The following MIS18BP1 variants were observed in gnomAD, a reference collection of about 807,000 sequenced individuals.
MIS18BP1 encodes MIS18 binding protein 1.
MIS18BP1 carries 72 observed loss-of-function variants against 116.1 expected under a neutral mutation model. The ratio of observed to expected loss-of-function variants is 0.62; its 90% CI spans 0.51 to 0.75. The LOEUF is 0.75. Ranked by LOEUF, MIS18BP1 falls within the 30% of genes least tolerant of loss-of-function variation. The pLI is 0.00. For synonymous variants in MIS18BP1, 386 were observed against 427.0 expected (o/e 0.90, Z 1.18); for missense variants, 1,363 against 1,303.2 (o/e 1.05, Z -0.71).
At chr14:45,228,230 A>G (rs1891178981) in intron 8 of MIS18BP1, among the ~76,000 whole-genome samples, 1 of 152,216 alleles carries the variant, frequency 6.6e-6, no homozygotes, top group Non-Finnish European at 1.5e-5. Context: ...ACTAGGATAT[A>G]AAGCAATTTT....
At chr14:45,245,514 G>A (rs563153810) in intron 2 of MIS18BP1, among the ~76,000 whole-genome samples, 5 of 152,018 alleles carry the variant, frequency 3.3e-5, no homozygotes, top group East Asian at 3.9e-4. Flanking sequence ...ACAAGCATGC[G>A]CCATCAAGCC....
rs1438955429 is a variant in MIS18BP1 at position 45,247,080 on chromosome 14, A to T, written c.207T>A (p.Phe69Leu). 6.2e-7 allele frequency: 1 copy of T among 1,612,572 alleles called. No individual in the cohort carries two copies. Among genetic ancestry groups the T allele is most frequent in the Non-Finnish European group, 8.5e-7 (1 of 1,179,658 alleles). ...KKNQFLKMTTFNNKNIFQSTM... is the reference protein window; with the variant it reads ...KKNQFLKMTTLNNKNIFQSTM... ...TTGATTGAAATATATTTTTATTGTT[A>T]AAAGTTGTCATTTTTAGGAACTGAT... Residue 69 changes from phenylalanine to leucine, a missense_variant, in exon 2 of 17, where the codon TTT becomes TTA. Transcript: ENST00000310806.
chr14:45,218,261 A>C, intron 12 of MIS18BP1, 21 bp downstream of exon 12: 4 of 1,607,340 alleles, frequency 2.5e-6, no homozygotes, highest in Non-Finnish European at 3.4e-6. Context: ...TAGGAAAAAA[A>C]CTATTTACTA....
Position 45,224,693 on chromosome 14 carries a change from A to G in MIS18BP1, c.1894T>C (p.Phe632Leu). 6.2e-7 allele frequency: 1 copy of G among 1,609,738 alleles called. No individual in the cohort carries two copies. Among genetic ancestry groups the G allele is most frequent in the Non-Finnish European group, 8.5e-7 (1 of 1,178,814 alleles). Residue 632 changes from phenylalanine to leucine, a missense_variant, in exon 11 of 17, where the codon TTT becomes CTT. Coordinates refer to ENST00000310806, the MANE Select transcript of MIS18BP1 (RefSeq NM_018353.5). ...TATTTTCTTTCTTCATCTGAGAAAA[A>G]CTGTTCCCTTGAGGTTAGAATATCA... The part of the protein sequence containing the change: ...SIDILTSREQ[F>L]FSDEERKYMA...
In MIS18BP1 at chr14:45,224,457, G is replaced by T. The variant is rs1343834611; in HGVS notation, c.2130C>A (p.Asn710Lys). The T allele has an allele frequency of 1.2e-6, 2 of 1,613,580 alleles. No individual in the cohort carries two copies. The highest frequency in any genetic ancestry group is 1.7e-5 in the Admixed American group (1 of 59,974). The change falls in exon 11 of 17, where the codon AAC (asparagine) becomes AAA (lysine). Residue 710 changes from asparagine to lysine, a missense_variant. Physicochemically the swap from Asn to Lys is moderately conservative, Grantham distance 94. Coordinates refer to ENST00000310806, the MANE Select transcript of MIS18BP1 (RefSeq NM_018353.5). ...ENTFEGHKSK[N>K]KEDCDERDLL... Reference sequence around the variant, plus strand: ...AGTCACGTTCATCGCAATCTTCCTTGTTTTTACTTTTATGACCTTCAAATG... The same window carrying T: ...AGTCACGTTCATCGCAATCTTCCTTTTTTTTACTTTTATGACCTTCAAATG...
rs1891881453 is a variant in MIS18BP1 at position 45,251,790 on chromosome 14, GATT to G, written c.-92+1242_-92+1244del. Among the ~76,000 whole-genome samples, 3 of 152,322 alleles carry G rather than the reference GATT, an allele frequency of 2.0e-5. No individual in the cohort carries two copies. In the South Asian group the frequency reaches 6.2e-4, roughly 32 times the overall value. ...GGCCAATAAACGAGTTGTGACACCT[GATT>G]TTACTAATAAATGGAGATGCAAACT... On this transcript the variant is annotated intron_variant, in intron 1 of 16. Transcript: ENST00000310806.
chr14:45,251,500 T>C (rs1268745707), intron 1 of MIS18BP1, among the ~76,000 whole-genome samples: 1 of 152,140 alleles, frequency 6.6e-6, no homozygotes, highest in African/African-American at 2.4e-5. Flanking sequence ...CTTGTAAGAA[T>C]TTACTGTAGT....
chr14:45,248,527 T>C (rs1355128667), intron 1 of MIS18BP1, among the ~76,000 whole-genome samples: 6 of 152,178 alleles, frequency 3.9e-5, no homozygotes, highest in Non-Finnish European at 7.3e-5. Flanking sequence ...GCATCTCTTA[T>C]AGCTGAATTT....
chr14:45,216,388 T>G (rs1055971515), intron 13 of MIS18BP1, among the ~76,000 whole-genome samples: 1 of 152,210 alleles, frequency 6.6e-6, no homozygotes, highest in African/African-American at 2.4e-5. Flanking sequence ...ATTCAGAAAG[T>G]ACATAAATAT....
At chr14:45,208,358 A>T (rs1248103679) in intron 14 of MIS18BP1, among the ~76,000 whole-genome samples, 1 of 124,808 alleles carries the variant, frequency 8.0e-6, no homozygotes, top group Non-Finnish European at 1.6e-5. Flanking sequence ...TTGGAGACGG[A>T]GTCTCGCACT....
chr14:45,218,244 T>C, intron 12 of MIS18BP1, 38 bp downstream of exon 12: 1 of 1,585,548 alleles, frequency 6.3e-7, no homozygotes, highest in Non-Finnish European at 8.6e-7. Context: ...AAATCAACAC[T>C]GAGTACTAGG....
Position 45,204,222 on chromosome 14 carries a change from G to T in MIS18BP1, c.3296-10C>A, listed in dbSNP as rs368162112. On this transcript the variant is annotated splice_polypyrimidine_tract_variant and intron_variant, in intron 16 of 16. Transcript: ENST00000310806. ...GAGTTTTCTCCTAAGTCTGTAAAGA[G>T]AAGTTTAATAAAAAGATAATAAATT... 12 of 1,582,960 alleles carry T rather than the reference G, an allele frequency of 7.6e-6. No individual in the cohort carries two copies. The African/African-American group carries it at 9.6e-5, about 13-fold the overall frequency.
chr14:45,252,105 G>A (rs1297069210), intron 1 of MIS18BP1, among the ~76,000 whole-genome samples: 1 of 152,124 alleles, frequency 6.6e-6, no homozygotes, highest in African/African-American at 2.4e-5. Context: ...GCTGCCCAAG[G>A]TCACTTGACA....
chr14:45,235,740 T>C (rs1332941549), intron 6 of MIS18BP1, 74 bp downstream of exon 6: 2 of 1,251,932 alleles, frequency 1.6e-6, no homozygotes, highest in South Asian at 3.9e-5. Context: ...GTTAAAAAAA[T>C]GTGTATTACT....
intron 12 of MIS18BP1, among the ~76,000 whole-genome samples, chr14:45,217,432 C>A (rs1890853255): frequency 6.6e-6 from 1 of 151,902 alleles, no homozygotes; most frequent in African/African-American, 2.4e-5. Context: ...TAAAAAAATA[C>A]AGATATAGAT....
Position 45,210,389 on chromosome 14 carries a change from G to T in MIS18BP1, c.3143C>A (p.Ser1048Tyr). Residue 1048 changes from serine (S) to tyrosine (Y), a missense_variant, in exon 14 of 17, where the codon TCT becomes TAT. Physicochemically the swap from Ser to Tyr is moderately radical, Grantham distance 144. Transcript: ENST00000310806. ...CQHVSPGMLG[S>Y]INRNDCDKYV... ...ATGCATGAATATTTACCTATTTATA[G>T]AACCTAGCATGCCAGGACTGACATG... The T allele has an allele frequency of 6.2e-7, 1 of 1,613,332 alleles. No individual in the cohort carries two copies. Among genetic ancestry groups the T allele is most frequent in the African/African-American group, 1.3e-5 (1 of 74,968 alleles).
In MIS18BP1 at chr14:45,224,374, G is replaced by C; in HGVS notation, c.2213C>G (p.Thr738Ser). 6.2e-7 allele frequency: 1 copy of C among 1,613,510 alleles called. No individual in the cohort carries two copies. Among genetic ancestry groups the C allele is most frequent in the Non-Finnish European group, 8.5e-7 (1 of 1,179,854 alleles). Residue 738 changes from threonine to serine, a missense_variant, in exon 11 of 17, where the codon ACC becomes AGC. Coordinates refer to ENST00000310806, the MANE Select transcript of MIS18BP1 (RefSeq NM_018353.5). ...TCTGGTATTTTTCTTAAAGTCAGAG[G>C]TGAGCATTTGTTCCTTTTCAAGGTT... The part of the protein sequence containing the change: ...ISNLEKEQML[T>S]SDFKKNTRLL...
intron 13 of MIS18BP1, among the ~76,000 whole-genome samples, chr14:45,216,554 C>G: frequency 6.6e-6 from 1 of 152,056 alleles, no homozygotes; most frequent in Admixed American, 6.6e-5. Flanking sequence ...ATCACAGATA[C>G]TACTAGCTTG....
At position 45,218,869 on chromosome 14, in the gene MIS18BP1, C is replaced by T. The variant is rs946478203; in HGVS notation, c.2670-415G>A. 4.6e-5 allele frequency among the ~76,000 whole-genome samples: 6 copies of T among 129,576 alleles called. No homozygotes were observed. The East Asian group carries it at 1.6e-3, about 34-fold the overall frequency. The allele number at this position is 129,576 out of a possible 152,430, so 85.0% of individuals were successfully genotyped here. On this transcript the variant is annotated intron_variant, in intron 11 of 16. Transcript: ENST00000310806. ...ACAATAAGCTCTTAGTTCTCTTATA[C>T]AGTCTAGGTTATAAGCTATTAAAAA...
Sources: gnomAD v4.1 joint callset for allele counts (sites outside exome capture counted in the v4.1 genomes callset) on GRCh38, gnomAD v4.1.1 for gene constraint, MANE v1.5 for transcripts, NCBI Gene and HGNC (gene_info 2026-07-23, HGNC 2026-07-21) for gene names.